ZFAT: variants seen among roughly 807,000 people sequenced by gnomAD.
ZFAT encodes zinc finger and AT-hook domain containing.
In ZFAT, 64 loss-of-function variants were observed where a neutral mutation model predicts 117.7. That is an observed-to-expected ratio of 0.54 (90% confidence interval 0.44 to 0.67). The LOEUF (loss-of-function observed/expected upper bound fraction) is 0.67, where lower values mean the gene tolerates loss of function less well. Ranked by LOEUF, ZFAT falls within the 30% of genes least tolerant of loss-of-function variation. The pLI, the probability that ZFAT is intolerant of heterozygous loss-of-function variation, is 0.00. For missense variants in ZFAT, 1,433 were observed against 1,584.5 expected (o/e 0.90, Z 1.62); for synonymous variants, 679 against 615.0 (o/e 1.10, Z -1.54).
chr8:134,494,849 T>C (rs1818315891), intron 15 of ZFAT, among the ~76,000 whole-genome samples: 1 of 152,254 alleles, frequency 6.6e-6, no homozygotes, highest in Admixed American at 6.5e-5. Flanking sequence ...CTATCTCTTC[T>C]TGTTTTGAGC....
chr8:134,667,726 C>T (rs139091896), intron 1 of ZFAT, among the ~76,000 whole-genome samples: 105 of 152,140 alleles, frequency 6.9e-4, no homozygotes, highest in African/African-American at 1.6e-3. Flanking sequence ...ACTGAGGTAC[C>T]GGGTTCATGT....
the ZFAT span, chr8:134,793,733 G>GGGC: frequency 1.3e-5 from 1 of 78,474 alleles, no homozygotes; most frequent in African/African-American, 7.0e-5. Flanking sequence ...TCAAGAGTCC[G>GGGC]GGGGCTGGAG....
rs371284348 is a variant in ZFAT, at chr8:134,661,456, C to T, written c.20-3719G>A. ...TGCCTGAGCTGTGCCAGCTCCCCTGCGTGTCCACACCCTGGATTCTGCAAT... is the reference window on the plus strand; with the variant it reads ...TGCCTGAGCTGTGCCAGCTCCCCTGTGTGTCCACACCCTGGATTCTGCAAT... On this transcript the variant is annotated intron_variant, in intron 1 of 15. Coordinates refer to ENST00000377838, the MANE Select transcript of ZFAT (RefSeq NM_020863.4). Among the ~76,000 whole-genome samples the T allele has an allele frequency of 4.7e-4, 71 of 152,346 alleles. 1 individual carries two copies. In the East Asian group the frequency reaches 0.011, roughly 23 times the overall value.
intron 1 of ZFAT, among the ~76,000 whole-genome samples, chr8:134,686,717 GA>G (rs1833342642): frequency 6.6e-6 from 1 of 152,096 alleles, no homozygotes; most frequent in Non-Finnish European, 1.5e-5. Context: ...AGGACATCAC[GA>G]AGACGATGTG....
intron 1 of ZFAT, among the ~76,000 whole-genome samples, chr8:134,686,180 G>C (rs1455060533): frequency 1.3e-5 from 2 of 152,250 alleles, no homozygotes; most frequent in Non-Finnish European, 2.9e-5. Context: ...CTCAACCTGA[G>C]TAAGTTATTT....
At chr8:134,552,331 T>C (rs1011168430) in intron 11 of ZFAT, among the ~76,000 whole-genome samples, 1 of 152,266 alleles carries the variant, frequency 6.6e-6, no homozygotes, top group Admixed American at 6.5e-5. Flanking sequence ...ACTTTATTTG[T>C]ACTTATGTTT....
intron 10 of ZFAT, among the ~76,000 whole-genome samples, chr8:134,578,892 G>C (rs1825514484): frequency 6.6e-6 from 1 of 152,164 alleles, no homozygotes; most frequent in South Asian, 2.1e-4. Context: ...TCCCAAGATG[G>C]GGTACAGCAG....
chr8:134,753,232 C>CCAACAACAACAACAACAA, the ZFAT span, among the ~76,000 whole-genome samples: 1,410 of 149,858 alleles, frequency 9.4e-3, 10 homozygotes, highest in Middle Eastern at 0.017. Flanking sequence ...AACGAACCAA[C>CCAACAACAACAACAACAA]CAACAACAAC....
chr8:134,825,827 T>C, the ZFAT span, among the ~76,000 whole-genome samples: 1 of 152,146 alleles, frequency 6.6e-6, no homozygotes, highest in African/African-American at 2.4e-5. Flanking sequence ...AAGACTATCC[T>C]GGCTAACATG....
At chr8:134,575,685 C>T (rs1343191825) in intron 10 of ZFAT, among the ~76,000 whole-genome samples, 1 of 152,178 alleles carries the variant, frequency 6.6e-6, no homozygotes, top group Middle Eastern at 3.2e-3. Flanking sequence ...CAGCCTGGGC[C>T]TGCCTCTGGA....
chr8:134,481,960 A>T (rs972550564), intron 15 of ZFAT, among the ~76,000 whole-genome samples: 1 of 152,144 alleles, frequency 6.6e-6, no homozygotes. Flanking sequence ...CCCAGTCACC[A>T]AACCCACTGG....
intron 14 of ZFAT, 191 bp from the exon 15 acceptor site, chr8:134,509,940 G>T: frequency 5.8e-6 from 4 of 690,552 alleles, no homozygotes; most frequent in South Asian, 5.3e-5. Context: ...TTTTCTATAA[G>T]AACATCTCAA....
chr8:134,783,819 T>C, the ZFAT span: 1 of 152,214 alleles, frequency 6.6e-6, no homozygotes, highest in Non-Finnish European at 1.5e-5. Flanking sequence ...TGACAGGAGA[T>C]GCATGCACAG....
intron 11 of ZFAT, among the ~76,000 whole-genome samples, chr8:134,563,693 A>C (rs1824215310): frequency 6.6e-6 from 1 of 152,202 alleles, no homozygotes; most frequent in African/African-American, 2.4e-5. Context: ...ACGGAAGATA[A>C]TATGTACCAT....
chr8:134,668,074 T>C (rs911520267), intron 1 of ZFAT, among the ~76,000 whole-genome samples: 15 of 152,168 alleles, frequency 9.9e-5, no homozygotes, highest in African/African-American at 3.6e-4. Flanking sequence ...GTGCCCGCCA[T>C]TGCTGAGGCT....
chr8:134,507,155 G>A (rs1819477095), intron 15 of ZFAT, among the ~76,000 whole-genome samples: 1 of 152,160 alleles, frequency 6.6e-6, no homozygotes, highest in Admixed American at 6.5e-5. Context: ...CAGTTATTAA[G>A]CAGATATAAT....
At chr8:134,658,793 C>G (rs1320902716) in intron 1 of ZFAT, among the ~76,000 whole-genome samples, 1 of 152,162 alleles carries the variant, frequency 6.6e-6, no homozygotes, top group African/African-American at 2.4e-5. Flanking sequence ...GGCTTTGGAG[C>G]CAAAAGGCCC....
At chr8:134,739,911 T>C in the ZFAT span, among the ~76,000 whole-genome samples, 2 of 152,252 alleles carry the variant, frequency 1.3e-5, no homozygotes, top group African/African-American at 2.4e-5. Flanking sequence ...AATGTCCTCC[T>C]GAGCAGCTGT....
In ZFAT at chr8:134,610,595, G is replaced by C. The variant is rs369995696; in HGVS notation, c.509C>G (p.Ser170Trp). Residue 170 changes from serine (S) to tryptophan (W), a missense_variant, in exon 4 of 16, where the codon TCG becomes TGG. Ser to Trp is a radical substitution (Grantham distance 177). Coordinates refer to ENST00000377838, the MANE Select transcript of ZFAT (RefSeq NM_020863.4). The part of the protein sequence containing the change: ...KCKEDDREKA[S>W]KRPRSQKTEK... ...TGTTTTCTGTGACCGTGGTCTTTTC[G>C]AGGCTTTTTCCCGATCATCTTCCTT... The C allele has an allele frequency of 1.9e-5, 30 of 1,614,070 alleles. No homozygotes were observed. The highest frequency in any genetic ancestry group is 2.4e-5 in the Non-Finnish European group (28 of 1,180,052).
Sources: allele counts gnomAD v4.1 joint callset (sites outside exome capture counted in the v4.1 genomes callset), GRCh38; gene constraint gnomAD v4.1.1; transcripts MANE v1.5; gene names NCBI Gene and HGNC (gene_info 2026-07-23, HGNC 2026-07-21).